Variants in INSR observed in about 807,000 individuals in gnomAD.
INSR encodes IR.
Under a neutral mutation model 142.6 loss-of-function variants are expected in INSR, and 67 were observed. The observed-to-expected ratio is 0.47, with a 90% CI of 0.39 to 0.58. The LOEUF (loss-of-function observed/expected upper bound fraction) is 0.58, where lower values mean the gene tolerates loss of function less well. Ranked by LOEUF, INSR falls within the 20% of genes least tolerant of loss-of-function variation. The pLI, the probability that INSR is intolerant of heterozygous loss-of-function variation, is 0.00. For missense variants in INSR, 1,248 were observed against 1,833.2 expected, an observed-to-expected ratio of 0.68 and a Z score of 5.83; for synonymous variants, 756 against 743.1, an observed-to-expected ratio of 1.02 and a Z score of -0.28.
chr19:7,160,531 G>A (rs182561369), intron 9 of INSR, among the ~76,000 whole-genome samples: 28 of 152,128 alleles, frequency 1.8e-4, no homozygotes, highest in East Asian at 3.9e-4. Flanking sequence ...AGGCTGAGGC[G>A]GGAAGATCGT....
At chr19:7,230,640 C>T (rs989079351) in intron 2 of INSR, among the ~76,000 whole-genome samples, 5 of 151,960 alleles carry the variant, frequency 3.3e-5, no homozygotes, top group African/African-American at 4.8e-5. Flanking sequence ...AACCCCATCT[C>T]GACTAAAAAT....
At chr19:7,288,339 A>G (rs950702957) in intron 1 of INSR, among the ~76,000 whole-genome samples, 2 of 152,120 alleles carry the variant, frequency 1.3e-5, no homozygotes, top group Non-Finnish European at 2.9e-5. Context: ...TGTCTCTACA[A>G]ATAAATTTTA....
At chr19:7,280,917 A>G (rs1968189996) in intron 1 of INSR, among the ~76,000 whole-genome samples, 1 of 152,028 alleles carries the variant, frequency 6.6e-6, no homozygotes, top group South Asian at 2.1e-4. Flanking sequence ...AGAAAAAAGA[A>G]AGAAAGAGGG....
intron 2 of INSR, among the ~76,000 whole-genome samples, chr19:7,203,487 C>T (rs1184443616): frequency 6.6e-6 from 1 of 152,108 alleles, no homozygotes; most frequent in Non-Finnish European, 1.5e-5. Context: ...AGTTTGGAAT[C>T]GATCTCCGTG....
chr19:7,203,447 A>C lies in INSR; in HGVS notation c.653-18810T>G, dbSNP rs80175048. 2.8e-3 allele frequency among the ~76,000 whole-genome samples: 427 copies of C among 152,256 alleles called. 2 individuals carry two copies. Among genetic ancestry groups the C allele is most frequent in the Non-Finnish European group, 4.9e-3 (334 of 68,018 alleles). Reference sequence around the variant, plus strand: ...ACAGAGAGAGAGAACCGCAGCCTCCATGGGAACGAGGAAGTGGGAACGGGA... The same window carrying C: ...ACAGAGAGAGAGAACCGCAGCCTCCCTGGGAACGAGGAAGTGGGAACGGGA... On this transcript the variant is annotated intron_variant, in intron 2 of 21. Transcript: ENST00000302850.
chr19:7,244,411 T>C (rs928591452), intron 2 of INSR, among the ~76,000 whole-genome samples: 1 of 151,958 alleles, frequency 6.6e-6, no homozygotes, highest in African/African-American at 2.4e-5. Flanking sequence ...TGTGTGCCTA[T>C]AATCCCAGCT....
chr19:7,149,006 G>A (rs538402707), intron 11 of INSR, among the ~76,000 whole-genome samples: 32 of 152,036 alleles, frequency 2.1e-4, no homozygotes, highest in African/African-American at 7.5e-4. Context: ...TCTTGGTCAG[G>A]CTGGTCTCGA....
rs377701938 is a variant in INSR at position 7,117,066 on chromosome 19, T to C, written c.4139A>G (p.Asn1380Ser). ...NGRILTLPRS[N>S]PS ...CCACGGTAGGCACTGTTAGGAAGGA[T>C]TGGACCGAGGCAAGGTCAGAATCCG... Residue 1380 changes from asparagine to serine, a missense_variant, in exon 22 of 22, where the codon AAT becomes AGT. Physicochemically the swap from Asn to Ser is conservative, Grantham distance 46 (BLOSUM62 1). Around this residue, in one of 3 missense-constraint regions of INSR, gnomAD observed 122 missense variants for 129.8 expected, o/e 0.94. Transcript: ENST00000302850. 8.6e-5 allele frequency: 138 copies of C among 1,613,838 alleles called. 2 individuals carry two copies. The South Asian group carries it at 1.3e-3, about 15-fold the overall frequency.
chr19:7,259,446 G>A (rs1976994472), intron 2 of INSR, among the ~76,000 whole-genome samples: 1 of 152,150 alleles, frequency 6.6e-6, no homozygotes, highest in Non-Finnish European at 1.5e-5. Context: ...AAGATGGGAT[G>A]CAATATCCTA....
At chr19:7,237,345 C>T (rs1014372926) in intron 2 of INSR, among the ~76,000 whole-genome samples, 23 of 151,250 alleles carry the variant, frequency 1.5e-4, no homozygotes, top group South Asian at 2.1e-4. Flanking sequence ...GGTGAAACCC[C>T]GTCTCTACTA....
At chr19:7,157,895 G>A (rs1202292332) in intron 9 of INSR, among the ~76,000 whole-genome samples, 2 of 151,640 alleles carry the variant, frequency 1.3e-5, no homozygotes, top group South Asian at 2.1e-4. Flanking sequence ...TATTTACACA[G>A]CTTTAAAAGC....
intron 2 of INSR, among the ~76,000 whole-genome samples, chr19:7,229,300 T>TGATG (rs369695616): frequency 0.047 from 5,898 of 124,310 alleles, 227 homozygotes; most frequent in Non-Finnish European, 0.063. Context: ...GATGGAGGGA[T>TGATG]GATGGATGGA....
At chr19:7,270,333 T>TCACA (rs1261592271) in intron 1 of INSR, among the ~76,000 whole-genome samples, 50 of 65,494 alleles carry the variant, frequency 7.6e-4, no homozygotes, top group Non-Finnish European at 9.0e-4. Flanking sequence ...TCTCTCTCTC[T>TCACA]CTCTCTCACA....
At chr19:7,165,528 C>T (rs8107575) in intron 8 of INSR, among the ~76,000 whole-genome samples, 5,249 of 152,004 alleles carry the variant, frequency 0.035, 272 homozygotes, top group African/African-American at 0.12. Flanking sequence ...GTTGCTACTG[C>T]CTCGTCTGAA....
intron 2 of INSR, among the ~76,000 whole-genome samples, chr19:7,244,606 T>C (rs963069755): frequency 1.3e-5 from 2 of 152,032 alleles, no homozygotes; most frequent in African/African-American, 4.8e-5. Context: ...AATACGAAAG[T>C]ATTGATTTCT....
chr19:7,286,378 A>AT (rs201034025), intron 1 of INSR, among the ~76,000 whole-genome samples: 1,762 of 151,400 alleles, frequency 0.012, 31 homozygotes, highest in African/African-American at 0.039. Context: ...GGGGGACAAG[A>AT]TTTTTTTTTA....
intron 11 of INSR, among the ~76,000 whole-genome samples, chr19:7,146,401 C>T (rs910851644): frequency 1.3e-5 from 2 of 151,934 alleles, no homozygotes; most frequent in Non-Finnish European, 2.9e-5. Context: ...GCCACCATGT[C>T]TGGCTAATTT....
chr19:7,255,658 G>C (rs573122989), intron 2 of INSR, among the ~76,000 whole-genome samples: 2 of 151,412 alleles, frequency 1.3e-5, no homozygotes, highest in Non-Finnish European at 2.9e-5. Context: ...GCTCATTGCA[G>C]CCTCAAAGTC....
intron 9 of INSR, among the ~76,000 whole-genome samples, chr19:7,154,192 T>C (rs1444468625): frequency 1.3e-5 from 2 of 151,898 alleles, no homozygotes; most frequent in Non-Finnish European, 2.9e-5. Flanking sequence ...ATAAAATATC[T>C]GTATCTAGAG....
Sources: gnomAD v4.1 joint callset for allele counts (sites outside exome capture counted in the v4.1 genomes callset) on GRCh38, gnomAD v4.1.1 for gene constraint, gnomAD v4.1.1 regional missense constraint, MANE v1.5 for transcripts, NCBI Gene and HGNC (gene_info 2026-07-23, HGNC 2026-07-21) for gene names.